The following PHKA1 variants were observed in gnomAD, a reference collection of about 807,000 sequenced individuals.
PHKA1 encodes the protein phosphorylase b kinase regulatory subunit alpha, skeletal muscle isoform.
In PHKA1, 60 loss-of-function variants were observed where a neutral mutation model predicts 110.2. The observed-to-expected ratio is 0.54, with a 90% CI of 0.44 to 0.68. The LOEUF is 0.68. Among genes scored for constraint, PHKA1 ranks in the 30% least tolerant of loss-of-function variants. The pLI, the probability that PHKA1 is intolerant of heterozygous loss-of-function variation, is 0.00. For missense variants in PHKA1, 801 were observed against 942.5 expected, an observed-to-expected ratio of 0.85 and a Z score of 1.97; for synonymous variants, 316 against 333.6, an observed-to-expected ratio of 0.95 and a Z score of 0.58.
chrX:72,602,214 C>T lies in PHKA1; in HGVS notation c.2977G>A (p.Gly993Arg). The stretch of plus-strand genomic sequence containing the variant: ...CCAGTTCGTTCTGTTTTGGTTGCTC[C>T]AACAGCACCAATCTCGTGGATAGAA... The part of the protein sequence containing the change: ...AISIHEIGAV[G>R]ATKTERTGIM... Residue 993 changes from glycine to arginine, a missense_variant, in exon 27 of 32, where the codon GGA (glycine) becomes AGA (arginine). By Grantham distance (125) the Gly-to-Arg change is moderately radical. Transcript: ENST00000373542. 1 of 1,206,258 alleles carries T rather than the reference C, an allele frequency of 8.3e-7. No individual in the cohort carries two copies. The highest frequency in any genetic ancestry group is 1.1e-6 in the Non-Finnish European group (1 of 891,078).
chrX:72,603,279 A>G (rs1298716901), intron 25 of PHKA1, 59 bp from the exon 26 acceptor site: 3 of 673,462 alleles, frequency 4.5e-6, no homozygotes, highest in Admixed American at 4.9e-5. Context: ...TGCCCTCTCT[A>G]TATTTTCTCT....
At chrX:72,707,808 A>G (rs2054313550) in intron 2 of PHKA1, 1 of 111,807 alleles carries the variant, frequency 8.9e-6, no homozygotes, top group African/African-American at 3.3e-5. Context: ...AGGGTTACAT[A>G]TAAACATTTT....
intron 8 of PHKA1, among the ~76,000 whole-genome samples, chrX:72,664,861 TTAAAA>T (rs1179762723): frequency 1.8e-5 from 2 of 111,269 alleles, no homozygotes; most frequent in African/African-American, 6.5e-5. Flanking sequence ...TTAAAATTTC[TTAAAA>T]TAAACGAAAA....
chrX:72,658,835 T>G (rs1420786559), intron 8 of PHKA1, among the ~76,000 whole-genome samples: 1 of 112,357 alleles, frequency 8.9e-6, no homozygotes, highest in African/African-American at 3.2e-5. Flanking sequence ...TTACTGGTGA[T>G]GTTAACCCTG....
intron 16 of PHKA1, among the ~76,000 whole-genome samples, chrX:72,627,357 T>C (rs1468461068): frequency 1.8e-5 from 2 of 112,423 alleles, no homozygotes; most frequent in African/African-American, 3.2e-5. Context: ...ATGCTGATAA[T>C]ACCAGTAGCC....
chrX:72,691,645 A>G (rs1046222344), intron 4 of PHKA1, among the ~76,000 whole-genome samples: 2 of 112,309 alleles, frequency 1.8e-5, no homozygotes, highest in South Asian at 7.3e-4. Context: ...CTATTGTAAT[A>G]GAAATTATTT....
Position 72,593,219 on chromosome X carries a change from T to C in PHKA1, c.3128A>G (p.Gln1043Arg). The change falls in exon 29 of 32, where the codon CAG (glutamine) becomes CGG (arginine). Residue 1043 changes from glutamine to arginine, a missense_variant. Gln to Arg is a conservative substitution (Grantham distance 43). Around this residue, in one of 2 missense-constraint regions of PHKA1, gnomAD observed 502 missense variants for 519.2 expected, o/e 0.97. Coordinates refer to ENST00000373542, the MANE Select transcript of PHKA1 (RefSeq NM_002637.4). ...TTGACGACTATCTTTAGATGACTGC[T>C]GATCATATGCACTAGGAAAGGACCC... ...SSGSFPSAYD[Q>R]QSSKDSRQGQ... 8.3e-7 allele frequency: 1 copy of C among 1,203,839 alleles called. No homozygotes were observed. The highest frequency in any genetic ancestry group is 1.1e-6 in the Non-Finnish European group (1 of 887,961).
chrX:72,582,345 A>G lies in PHKA1; in HGVS notation c.3498+53T>C. On this transcript the variant is annotated intron_variant, in intron 31 of 31. Transcript: ENST00000373542. ...GGCTCCTCAAAGACCTCTGAATGTC[A>G]TCAGGTTGGAGTAAAAACATTTCTC... 4.5e-6 allele frequency: 4 copies of G among 881,374 alleles called. No individual in the cohort carries two copies. In the Admixed American group the frequency reaches 8.8e-5, roughly 19 times the overall value. 72.6% of individuals were successfully genotyped at this position (881,374 alleles called of 1,213,427 possible). A position where few individuals can be genotyped will look rare whatever the true frequency, so the allele number is the denominator to read the frequency against.
chrX:72,669,917 A>T (rs2053665603), intron 6 of PHKA1, among the ~76,000 whole-genome samples: 1 of 110,532 alleles, frequency 9.0e-6, no homozygotes, highest in Non-Finnish European at 1.9e-5. Flanking sequence ...GGCTGGGTCA[A>T]ATGGTATTTC....
chrX:72,661,099 TC>T (rs1405967107), intron 8 of PHKA1, among the ~76,000 whole-genome samples: 2 of 112,369 alleles, frequency 1.8e-5, no homozygotes, highest in African/African-American at 6.5e-5. Flanking sequence ...TCTGAAACAT[TC>T]CATGTTTTAA....
chrX:72,657,707 T>C (rs913064472), intron 8 of PHKA1, 66 bp from the exon 9 acceptor site: 25 of 891,080 alleles, frequency 2.8e-5, no homozygotes, highest in Non-Finnish European at 4.1e-5. Context: ...TAATCAGAAA[T>C]ACATCCTTGC....
intron 29 of PHKA1, among the ~76,000 whole-genome samples, chrX:72,591,367 A>T (rs1209590419): frequency 5.4e-5 from 6 of 110,120 alleles, no homozygotes; most frequent in African/African-American, 2.0e-4. Context: ...AACAATGAGA[A>T]CACTTGGTCA....
chrX:72,595,368 T>C (rs1266827263), intron 28 of PHKA1, among the ~76,000 whole-genome samples: 2 of 110,611 alleles, frequency 1.8e-5, no homozygotes, highest in Admixed American at 1.9e-4. Flanking sequence ...ACTGAAGGCT[T>C]CCCCCCGAAG....
chrX:72,631,099 C>A (rs781930235), intron 16 of PHKA1, among the ~76,000 whole-genome samples: 1 of 99,228 alleles, frequency 1.0e-5, no homozygotes, highest in Non-Finnish European at 2.0e-5. Context: ...TGCTACTGGG[C>A]CTATCTAGTG....
In PHKA1 at chrX:72,609,678, T is replaced by C. The variant is rs149303903; in HGVS notation, c.2552A>G (p.Gln851Arg). The C allele has an allele frequency of 1.7e-6, 2 of 1,201,850 alleles. No individual in the cohort carries two copies. Among genetic ancestry groups the C allele is most frequent in the Non-Finnish European group, 2.3e-6 (2 of 887,785 alleles). Residue 851 changes from glutamine to arginine, a missense_variant, in exon 23 of 32, where the codon CAG (glutamine) becomes CGG (arginine). Transcript: ENST00000373542. ...DEACTDLLSHQKHLTVGLPPE... is the reference protein window; with the variant it reads ...DEACTDLLSHRKHLTVGLPPE... ...AGGAAGTCCTACTGTCAAATGTTTC[T>C]GGTGGGAGAGAAGGTCTGTGCAGGC...
chrX:72,666,501 G>A lies in PHKA1; in HGVS notation c.718-204C>T, dbSNP rs1364602887. Among the ~76,000 whole-genome samples the A allele has an allele frequency of 2.7e-5, 3 of 111,598 alleles. No homozygotes were observed. The East Asian group carries it at 8.4e-4, about 31-fold the overall frequency. On this transcript the variant is annotated intron_variant, in intron 7 of 31. Transcript: ENST00000373542. ...GTTTCAAAAGATTTATGTAGAAGAG[G>A]ACCATTCACAAGAAAATCTAGACAT...
chrX:72,601,221 CCTTTTCTACAT>C (rs2052653582), intron 28 of PHKA1, among the ~76,000 whole-genome samples: 1 of 112,000 alleles, frequency 8.9e-6, no homozygotes, highest in Non-Finnish European at 1.9e-5. Context: ...GTCCACAGCA[CCTTTTCTACAT>C]CTTGTTAAAG....
chrX:72,681,316 C>A (rs1172575392), intron 5 of PHKA1, among the ~76,000 whole-genome samples: 1 of 109,657 alleles, frequency 9.1e-6, no homozygotes, highest in Non-Finnish European at 1.9e-5. Flanking sequence ...AAGTGAGGAG[C>A]CCCTCCGCCC....
chrX:72,629,699 C>T (rs1319731916), intron 16 of PHKA1, among the ~76,000 whole-genome samples: 2 of 111,570 alleles, frequency 1.8e-5, no homozygotes, highest in Non-Finnish European at 3.8e-5. Flanking sequence ...CTCTGTTCTT[C>T]ATTTGTCTAT....
Sources: allele counts gnomAD v4.1 joint callset (sites outside exome capture counted in the v4.1 genomes callset), GRCh38; gene constraint gnomAD v4.1.1; regional missense constraint gnomAD v4.1.1; transcripts MANE v1.5; gene names NCBI Gene and HGNC (gene_info 2026-07-23, HGNC 2026-07-21).